The following ERCC6L2 variants were observed in gnomAD, a reference collection of about 807,000 sequenced individuals.
The protein encoded by ERCC6L2 is DNA excision repair protein ERCC-6-like 2.
Under a neutral mutation model 132.0 loss-of-function variants are expected in ERCC6L2, and 77 were observed. That is an observed-to-expected ratio of 0.58 (90% confidence interval 0.49 to 0.71). The LOEUF (loss-of-function observed/expected upper bound fraction) is 0.71, where lower values mean the gene tolerates loss of function less well. Among genes scored for constraint, ERCC6L2 ranks in the 30% least tolerant of loss-of-function variants. The pLI is 0.00. For missense variants in ERCC6L2, 1,542 were observed against 1,837.6 expected (o/e 0.84, Z 2.94); for synonymous variants, 583 against 632.4 (o/e 0.92, Z 1.17).
chr9:95,911,615 T>C (rs1025665766), intron 4 of ERCC6L2, among the ~76,000 whole-genome samples: 6 of 152,182 alleles, frequency 3.9e-5, no homozygotes, highest in African/African-American at 1.4e-4. Context: ...ATAATTAATA[T>C]TTTACCTGAG....
rs1454301983 is a variant in ERCC6L2 at position 96,004,581 on chromosome 9, G to C, written c.3554G>C (p.Ser1185Thr). The C allele has an allele frequency of 2.3e-6, 3 of 1,312,350 alleles. No individual in the cohort carries two copies. The highest frequency in any genetic ancestry group is 5.3e-5 in the East Asian group (1 of 19,008). 81.3% of individuals were successfully genotyped at this position (1,312,350 alleles called of 1,614,324 possible). A position where few individuals can be genotyped will look rare whatever the true frequency, so the allele number is the denominator to read the frequency against. The change falls in exon 18 of 19, where the codon AGT becomes ACT. Residue 1185 changes from serine (S) to threonine (T), a missense_variant. Physicochemically the swap from Ser to Thr is moderately conservative, Grantham distance 58. Coordinates refer to ENST00000653738, the MANE Select transcript of ERCC6L2 (RefSeq NM_020207.7). ...LPHTKKGQQP[S>T]EGSISLPLYI... ...CACACAAAGAAAGGCCAGCAACCGA[G>C]TGAAGGCAGCATTTCACTTCCTCTT...
intron 12 of ERCC6L2, among the ~76,000 whole-genome samples, chr9:95,948,201 T>C (rs1182672051): frequency 1.3e-5 from 2 of 152,216 alleles, no homozygotes; most frequent in African/African-American, 4.8e-5. Flanking sequence ...GGTCAAAATA[T>C]CAAACAGGAG....
At position 96,012,726 on chromosome 9, in the gene ERCC6L2, T is replaced by C. The variant is rs770377824; in HGVS notation, c.4176T>C (p.Arg1392=). 7 of 1,367,206 alleles carry C rather than the reference T, an allele frequency of 5.1e-6. No individual in the cohort carries two copies. In the South Asian group the frequency reaches 6.8e-5, roughly 13 times the overall value. The allele number at this position is 1,367,206 out of a possible 1,614,324, so 84.7% of individuals were successfully genotyped here. A position where few individuals can be genotyped will look rare whatever the true frequency, so the allele number is the denominator to read the frequency against. The part of the protein sequence containing the change: ...SRSLNSESET[R]ERRLENTMKD... ...CTCTGAACAGTGAGTCTGAAACACG[T>C]GAGAGAAGGTTAGAAAATACCATGA... is the stretch of plus-strand genomic sequence containing the variant. The change falls in exon 19 of 19, where the codon CGT becomes CGC. Residue 1392 remains arginine (R), a synonymous_variant. Transcript: ENST00000653738.
rs753016839 is a variant in ERCC6L2, at chr9:95,923,271, C to T, written c.1425C>T (p.Ile475=). Residue 475 remains isoleucine (I), a synonymous_variant, in exon 9 of 19, where the codon ATC becomes ATT. Coordinates refer to ENST00000653738, the MANE Select transcript of ERCC6L2 (RefSeq NM_020207.7). ...CTTTTCCCTTCAAGGAAACACTTAT[C>T]AAAAGGATATGTGATCAGGTATTTT... ...ASTSKQQETL[I]KRICDQVFSR... The T allele has an allele frequency of 7.7e-5, 124 of 1,612,840 alleles. 1 individual carries two copies. In the South Asian group the frequency reaches 1.3e-3, roughly 17 times the overall value.
In ERCC6L2 at chr9:95,972,584, A is replaced by G; in HGVS notation, c.2833A>G (p.Ser945Gly). ...TGTAAAAACAAGAAATAATGATAAT[A>G]GTCGAAACACTGATGACAAAAGAAA... ...HTVKTRNNDN[S>G]RNTDDKRNGI... Residue 945 changes from serine (S) to glycine (G), a missense_variant, in exon 16 of 19, where the codon AGT becomes GGT. By Grantham distance (56) the Ser-to-Gly change is moderately conservative. Transcript: ENST00000653738. 2.3e-6 allele frequency: 3 copies of G among 1,289,768 alleles called. No individual in the cohort carries two copies. The highest frequency in any genetic ancestry group is 3.0e-6 in the Non-Finnish European group (3 of 988,808). The allele number at this position is 1,289,768 out of a possible 1,614,324, so 79.9% of individuals were successfully genotyped here.
chr9:95,978,011 A>G lies in ERCC6L2; in HGVS notation c.3338-50A>G, dbSNP rs761503233. ...AAGAATAATGTGTTTTTATGGAACC[A>G]TATTGCTTTATACTGATACATCACT... On this transcript the variant is annotated intron_variant, in intron 16 of 18. Coordinates refer to ENST00000653738, the MANE Select transcript of ERCC6L2 (RefSeq NM_020207.7). 4.7e-5 allele frequency: 56 copies of G among 1,190,126 alleles called. No individual in the cohort carries two copies. The South Asian group carries it at 6.5e-4, about 14-fold the overall frequency. 73.7% of individuals were successfully genotyped at this position (1,190,126 alleles called of 1,614,324 possible). A position where few individuals can be genotyped will look rare whatever the true frequency, so the allele number is the denominator to read the frequency against.
At chr9:95,961,557 G>GC (rs1485431314) in intron 13 of ERCC6L2, among the ~76,000 whole-genome samples, 1 of 152,120 alleles carries the variant, frequency 6.6e-6, no homozygotes, top group Admixed American at 6.5e-5. Flanking sequence ...AACTAGTGCA[G>GC]CCCCTAAGGC....
At chr9:95,930,509 A>T (rs1830288047) in intron 11 of ERCC6L2, among the ~76,000 whole-genome samples, 1 of 152,208 alleles carries the variant, frequency 6.6e-6, no homozygotes, top group Admixed American at 6.5e-5. Context: ...TTGCCAGAGT[A>T]CAAAGTCTTC....
intron 13 of ERCC6L2, among the ~76,000 whole-genome samples, chr9:95,962,443 A>C (rs568624544): frequency 4.6e-4 from 70 of 152,164 alleles, no homozygotes; most frequent in Non-Finnish European, 7.6e-4. Flanking sequence ...ATTTGTTTAA[A>C]AAACAAAGGA....
intron 2 of ERCC6L2, among the ~76,000 whole-genome samples, chr9:95,886,322 G>A (rs574924531): frequency 8.7e-4 from 132 of 151,834 alleles, no homozygotes; most frequent in Non-Finnish European, 1.6e-3. Flanking sequence ...TGGCCTCTGT[G>A]TTAATATGTA....
rs1350060339 is a variant in ERCC6L2 at position 95,876,064 on chromosome 9, G to A, written c.26G>A (p.Arg9His). The A allele has an allele frequency of 1.9e-6, 3 of 1,583,896 alleles. No individual in the cohort carries two copies. The highest frequency in any genetic ancestry group is 2.6e-6 in the Non-Finnish European group (3 of 1,165,748). ...ATGGATCCGTCGGCGCCACAGCCCC[G>A]CGCGGAAACCTCAGGCAAAGGTACC... MDPSAPQP[R>H]AETSGKDIWH... The change falls in exon 1 of 19, where the codon CGC (arginine) becomes CAC (histidine). Residue 9 changes from arginine to histidine, a missense_variant. Coordinates refer to ENST00000653738, the MANE Select transcript of ERCC6L2 (RefSeq NM_020207.7).
intron 17 of ERCC6L2, among the ~76,000 whole-genome samples, chr9:95,996,823 A>C (rs757169317): frequency 2.0e-5 from 3 of 152,232 alleles, no homozygotes; most frequent in Non-Finnish European, 2.9e-5. Flanking sequence ...GCATCTAGTC[A>C]CCCAAGAGAG....
chr9:95,907,476 A>G (rs1829104547), intron 4 of ERCC6L2, among the ~76,000 whole-genome samples: 1 of 151,656 alleles, frequency 6.6e-6, no homozygotes, highest in Admixed American at 6.6e-5. Flanking sequence ...AAGTGCTAGG[A>G]TTATAGGTGT....
chr9:96,010,895 G>A (rs1834006160), intron 18 of ERCC6L2, among the ~76,000 whole-genome samples: 3 of 152,152 alleles, frequency 2.0e-5, no homozygotes, highest in Non-Finnish European at 4.4e-5. Flanking sequence ...ATAAATATTT[G>A]TTAAGTGAAT....
At chr9:96,025,181 G>T (rs972215437) in intron 19 of ERCC6L2, among the ~76,000 whole-genome samples, 1 of 152,176 alleles carries the variant, frequency 6.6e-6, no homozygotes, top group African/African-American at 2.4e-5. Context: ...ATGTCAGGCT[G>T]GTTTCAGGTG....
intron 3 of ERCC6L2, among the ~76,000 whole-genome samples, chr9:95,898,848 A>AACT (rs1828605613): frequency 6.6e-6 from 1 of 152,170 alleles, no homozygotes. Flanking sequence ...AACTTTTCAG[A>AACT]ACTACTGGCT....
At chr9:96,011,136 CA>C (rs1834013760) in intron 18 of ERCC6L2, among the ~76,000 whole-genome samples, 1 of 152,222 alleles carries the variant, frequency 6.6e-6, no homozygotes, top group Non-Finnish European at 1.5e-5. Context: ...GTGGCTTAAA[CA>C]ACAGAAATTC....
At chr9:96,007,225 G>A (rs1243739057) in intron 18 of ERCC6L2, among the ~76,000 whole-genome samples, 7 of 152,244 alleles carry the variant, frequency 4.6e-5, no homozygotes, top group Non-Finnish European at 1.0e-4. Context: ...AGCCTTAGAT[G>A]ACTAAGTCAG....
Position 95,928,728 on chromosome 9 carries a change from G to C in ERCC6L2, c.1615G>C (p.Val539Leu), listed in dbSNP as rs200688685. The C allele has an allele frequency of 6.3e-7, 1 of 1,598,836 alleles. No individual in the cohort carries two copies. The highest frequency in any genetic ancestry group is 1.4e-5 in the African/African-American group (1 of 73,946). ...LFSFSTKLLD[V>L]LQQYCMASGL... Reference sequence around the variant, plus strand: ...CATACCTCTCGTCTAGTTGCTTGACGTGCTACAGCAGTACTGTATGGCGTC... The same window carrying C: ...CATACCTCTCGTCTAGTTGCTTGACCTGCTACAGCAGTACTGTATGGCGTC... Residue 539 changes from valine (V) to leucine (L), a missense_variant, in exon 11 of 19, where the codon GTG becomes CTG. Physicochemically the swap from Val to Leu is conservative, Grantham distance 32. Around this residue, in one of 4 missense-constraint regions of ERCC6L2, gnomAD observed 945 missense variants for 1,105.2 expected, o/e 0.86. Transcript: ENST00000653738.
Sources: gnomAD v4.1 joint callset for allele counts (sites outside exome capture counted in the v4.1 genomes callset) on GRCh38, gnomAD v4.1.1 for gene constraint, gnomAD v4.1.1 regional missense constraint, MANE v1.5 for transcripts, NCBI Gene and HGNC (gene_info 2026-07-23, HGNC 2026-07-21) for gene names.